NRG3: variants seen among roughly 807,000 people sequenced by gnomAD.
NRG3 encodes the protein pro-neuregulin-3, membrane-bound isoform.
A neutral mutation model predicts 66.9 loss-of-function variants in NRG3; 31 were observed. The ratio of observed to expected loss-of-function variants is 0.46; its 90% CI spans 0.35 to 0.63. The LOEUF is 0.63. Ranked by LOEUF, NRG3 falls within the 20% of genes least tolerant of loss-of-function variation. The pLI, the probability that NRG3 is intolerant of heterozygous loss-of-function variation, is 0.00. For missense variants in NRG3, 910 were observed against 878.9 expected (o/e 1.04, Z -0.45); for synonymous variants, 393 against 359.4 (o/e 1.09, Z -1.06).
chr10:82,330,443 C>T (rs1471436116), intron 1 of NRG3, among the ~76,000 whole-genome samples: 2 of 152,100 alleles, frequency 1.3e-5, no homozygotes, highest in Admixed American at 1.3e-4. Context: ...TCATAAACAT[C>T]ACCTTTGACA....
Position 82,215,918 on chromosome 10 carries a change from T to C in NRG3, c.824-142821T>C, listed in dbSNP as rs181173557. Among the ~76,000 whole-genome samples, 29 of 151,864 alleles carry C rather than the reference T, an allele frequency of 1.9e-4. No homozygotes were observed. In the East Asian group the frequency reaches 4.1e-3, roughly 21 times the overall value. On this transcript the variant is annotated intron_variant, in intron 1 of 8. Coordinates refer to ENST00000372141, the MANE Select transcript of NRG3 (RefSeq NM_001010848.4). ...ACACACTTTCTGATTTTGTGTGTGA[T>C]TTGTCAGGAAAAATTCGTGGTTTGT...
intron 2 of NRG3, among the ~76,000 whole-genome samples, chr10:82,735,280 C>A (rs2134699384): frequency 6.6e-6 from 1 of 152,232 alleles, no homozygotes; most frequent in East Asian, 1.9e-4. Flanking sequence ...CCTGAGCATG[C>A]TCCTTGTTTT....
chr10:82,152,084 G>A (rs951008212), intron 1 of NRG3, among the ~76,000 whole-genome samples: 2 of 152,112 alleles, frequency 1.3e-5, no homozygotes, highest in South Asian at 2.1e-4. Flanking sequence ...AATATTTTAG[G>A]CTTTGTGAGT....
At chr10:82,340,897 A>G (rs2082653417) in intron 1 of NRG3, 1 of 152,200 alleles carries the variant, frequency 6.6e-6, no homozygotes, top group Admixed American at 6.6e-5. Flanking sequence ...GGTACAAAAA[A>G]AAATTAGAAA....
chr10:82,386,327 G>A (rs2085985346), intron 2 of NRG3, among the ~76,000 whole-genome samples: 1 of 152,018 alleles, frequency 6.6e-6, no homozygotes, highest in Non-Finnish European at 1.5e-5. Flanking sequence ...TTTTATGCAA[G>A]AAGATAAATA....
chr10:82,386,526 A>G (rs1028659552), intron 2 of NRG3, among the ~76,000 whole-genome samples: 2 of 152,136 alleles, frequency 1.3e-5, no homozygotes, highest in African/African-American at 4.8e-5. Context: ...TCATAGAAAC[A>G]TTTTCAACTC....
intron 1 of NRG3, among the ~76,000 whole-genome samples, chr10:82,275,064 A>G (rs183814897): frequency 7.7e-4 from 117 of 152,166 alleles, no homozygotes; most frequent in African/African-American, 2.7e-3. Context: ...TATGGTGAAA[A>G]ATAAAATAAT....
chr10:82,622,832 G>A lies in NRG3; in HGVS notation c.954-115745G>A, dbSNP rs925032706. 5.3e-5 allele frequency among the ~76,000 whole-genome samples: 8 copies of A among 152,244 alleles called. No individual in the cohort carries two copies. In the East Asian group the frequency reaches 7.7e-4, roughly 15 times the overall value. ...AACACATTATTATAAAACAAGCTTCGCATTAGATGATTTCGCCCAACTATA... is the reference window on the plus strand; with the variant it reads ...AACACATTATTATAAAACAAGCTTCACATTAGATGATTTCGCCCAACTATA... On this transcript the variant is annotated intron_variant, in intron 2 of 8. Transcript: ENST00000372141.
At chr10:82,476,740 G>C (rs951468604) in intron 2 of NRG3, among the ~76,000 whole-genome samples, 12 of 152,146 alleles carry the variant, frequency 7.9e-5, no homozygotes, top group African/African-American at 2.9e-4. Context: ...GACAGTTACA[G>C]ATATTCAGTT....
chr10:81,987,245 C>T (rs750580788), intron 1 of NRG3, among the ~76,000 whole-genome samples: 53 of 152,120 alleles, frequency 3.5e-4, no homozygotes, highest in East Asian at 1.9e-4. Context: ...CCACCACACC[C>T]GGATAATTTT....
chr10:82,354,671 T>A (rs1393570965), intron 1 of NRG3, among the ~76,000 whole-genome samples: 1 of 152,172 alleles, frequency 6.6e-6, no homozygotes, highest in Non-Finnish European at 1.5e-5. Context: ...TGATTATGGA[T>A]GTGAGCCACC....
At position 82,274,332 on chromosome 10, in the gene NRG3, A is replaced by G. The variant is rs113447084; in HGVS notation, c.824-84407A>G. ...TCACTGAAAATTCAAGACTGGCTGG[A>G]AGATTGAGTGAACTAAAAACCTGCA... On this transcript the variant is annotated intron_variant, in intron 1 of 8. Coordinates refer to ENST00000372141, the MANE Select transcript of NRG3 (RefSeq NM_001010848.4). Among the ~76,000 whole-genome samples the G allele has an allele frequency of 4.8e-3, 726 of 152,154 alleles. 4 individuals carry two copies. Among genetic ancestry groups the G allele is most frequent in the African/African-American group, 0.016 (677 of 41,538 alleles).
At chr10:82,516,432 T>C (rs1845665768) in intron 2 of NRG3, among the ~76,000 whole-genome samples, 1 of 152,102 alleles carries the variant, frequency 6.6e-6, no homozygotes, top group African/African-American at 2.4e-5. Flanking sequence ...GGGAGTCCAA[T>C]CAACCAATAT....
chr10:82,238,659 G>T (rs566880527), intron 1 of NRG3, among the ~76,000 whole-genome samples: 2 of 151,476 alleles, frequency 1.3e-5, no homozygotes, highest in East Asian at 1.9e-4. Flanking sequence ...TACATAATGT[G>T]TACATCTGGA....
chr10:82,578,253 A>C (rs1167871461), intron 2 of NRG3, among the ~76,000 whole-genome samples: 1 of 149,462 alleles, frequency 6.7e-6, no homozygotes, highest in Non-Finnish European at 1.5e-5. Flanking sequence ...TAAGTTCTTA[A>C]TTTTGTAAGA....
intron 1 of NRG3, among the ~76,000 whole-genome samples, chr10:82,130,193 G>T (rs902221503): frequency 1.3e-5 from 2 of 150,694 alleles, no homozygotes; most frequent in East Asian, 3.9e-4. Context: ...CAATTTTTTA[G>T]ACTATATGTA....
chr10:82,418,010 G>C (rs1001063490), intron 2 of NRG3, among the ~76,000 whole-genome samples: 3 of 152,242 alleles, frequency 2.0e-5, no homozygotes, highest in Non-Finnish European at 4.4e-5. Context: ...GCACCTTGAA[G>C]TGAAGGCTTT....
rs1174344278 is a variant in NRG3 at position 81,876,079 on chromosome 10, T to C, written c.739T>C (p.Phe247Leu). The C allele has an allele frequency of 6.2e-7, 1 of 1,613,652 alleles. No individual in the cohort carries two copies. Among genetic ancestry groups the C allele is most frequent in the Admixed American group, 1.7e-5 (1 of 59,996 alleles). The part of the protein sequence containing the change: ...DSTPSWTLSP[F>L]QDAASSSSSS... ...TACTCCCTCCTGGACCCTGTCTCCCTTTCAGGATGCTGCCTCCTCTTCTTC... is the reference window on the plus strand; with the variant it reads ...TACTCCCTCCTGGACCCTGTCTCCCCTTCAGGATGCTGCCTCCTCTTCTTC... Residue 247 changes from phenylalanine to leucine, a missense_variant, in exon 1 of 9, where the codon TTT becomes CTT. By Grantham distance (22) the Phe-to-Leu change is conservative (BLOSUM62 0). Transcript: ENST00000372141.
chr10:82,818,406 G>A (rs1390990860), intron 3 of NRG3, among the ~76,000 whole-genome samples: 3 of 152,124 alleles, frequency 2.0e-5, no homozygotes, highest in African/African-American at 7.2e-5. Context: ...TCAGACCATT[G>A]CAGGACAGGA....
Sources: allele counts gnomAD v4.1 joint callset (sites outside exome capture counted in the v4.1 genomes callset), GRCh38; gene constraint gnomAD v4.1.1; transcripts MANE v1.5; gene names NCBI Gene and HGNC (gene_info 2026-07-23, HGNC 2026-07-21).